Variants in PREP observed in about 807,000 individuals in gnomAD.
PREP encodes prolyl endopeptidase, also known as dJ355L5.1 (prolyl endopeptidase).
Under a neutral mutation model 87.6 loss-of-function variants are expected in PREP, and 29 were observed. That is an observed-to-expected ratio of 0.33 (90% confidence interval 0.25 to 0.45). The LOEUF (loss-of-function observed/expected upper bound fraction) is 0.45, where lower values mean the gene tolerates loss of function less well. Among genes scored for constraint, PREP ranks in the 20% least tolerant of loss-of-function variants. The pLI is 1.00. For missense variants in PREP, 695 were observed against 886.5 expected (o/e 0.78, Z 2.74); for synonymous variants, 337 against 328.6 (o/e 1.03, Z -0.28).
chr6:105,321,404 A>C (rs1190064), intron 10 of PREP, among the ~76,000 whole-genome samples: 1 of 152,188 alleles, frequency 6.6e-6, no homozygotes, highest in African/African-American at 2.4e-5. Context: ...ATTCTGGGAG[A>C]GTTCCAGTGC....
intron 7 of PREP, among the ~76,000 whole-genome samples, chr6:105,352,512 T>C (rs1028277940): frequency 6.6e-6 from 1 of 152,180 alleles, no homozygotes; most frequent in African/African-American, 2.4e-5. Context: ...GTTTGCAACA[T>C]TACGCCTTTT....
intron 10 of PREP, among the ~76,000 whole-genome samples, chr6:105,318,778 C>T (rs953902081): frequency 6.6e-6 from 1 of 152,180 alleles, no homozygotes; most frequent in East Asian, 1.9e-4. Flanking sequence ...TTCACTAAAA[C>T]GTTCTGAAAA....
chr6:105,319,089 G>T (rs1354018264), intron 10 of PREP, among the ~76,000 whole-genome samples: 1 of 152,228 alleles, frequency 6.6e-6, no homozygotes, highest in African/African-American at 2.4e-5. Flanking sequence ...TAAAGCCAAA[G>T]ATTCTTCTTA....
At chr6:105,285,326 G>C (rs1770169403) in intron 12 of PREP, among the ~76,000 whole-genome samples, 160 bp downstream of exon 12, 1 of 152,154 alleles carries the variant, frequency 6.6e-6, no homozygotes, top group Non-Finnish European at 1.5e-5. Context: ...GTTTTTAAGG[G>C]GGGAGTGGTG....
Position 105,402,828 on chromosome 6 carries a change from C to G in PREP, c.45+19G>C, listed in dbSNP as rs1384206027. 2 of 1,536,768 alleles carry G rather than the reference C, an allele frequency of 1.3e-6. No individual in the cohort carries two copies. Among genetic ancestry groups the G allele is most frequent in the East Asian group, 2.4e-5 (1 of 40,968 alleles). Reference sequence around the variant, plus strand: ...CACCTTTGCCCGGGAGCCCTCTGGGCGGAGGCAGAGATACTTACGGCGGTC... The same window carrying G: ...CACCTTTGCCCGGGAGCCCTCTGGGGGGAGGCAGAGATACTTACGGCGGTC... On this transcript the variant is annotated intron_variant, in intron 1 of 14. Coordinates refer to ENST00000652536, the MANE Select transcript of PREP (RefSeq NM_002726.5).
rs546938896 is a variant in PREP at position 105,295,173 on chromosome 6, T to A, written c.1318-6279A>T. Among the ~76,000 whole-genome samples the A allele has an allele frequency of 4.3e-3, 429 of 100,346 alleles. 6 individuals are homozygous for A. Among genetic ancestry groups the A allele is most frequent in the South Asian group, 0.028 (79 of 2,868 alleles). 65.8% of individuals were successfully genotyped at this position (100,346 alleles called of 152,430 possible). On this transcript the variant is annotated intron_variant, in intron 10 of 14. Coordinates refer to ENST00000652536, the MANE Select transcript of PREP (RefSeq NM_002726.5). The stretch of plus-strand genomic sequence containing the variant: ...AATGTTTTCCTTTTTTTTTTTTTTT[T>A]ATTTCTGACACCACCATTTGCATCC...
intron 8 of PREP, 92 bp downstream of exon 8, chr6:105,333,222 G>GTT: frequency 7.9e-7 from 1 of 1,264,466 alleles, no homozygotes; most frequent in Non-Finnish European, 1.1e-6. Context: ...TTTTTACCTT[G>GTT]TAACAGATCA....
intron 10 of PREP, among the ~76,000 whole-genome samples, chr6:105,289,362 A>G (rs75170040): frequency 0.014 from 2,089 of 152,338 alleles, 16 homozygotes; most frequent in African/African-American, 0.031. Context: ...CAAATTTCAT[A>G]TTCAACTTCC....
chr6:105,391,671 T>C (rs1459097057), intron 2 of PREP, among the ~76,000 whole-genome samples: 13 of 152,234 alleles, frequency 8.5e-5, no homozygotes, highest in South Asian at 2.1e-4. Context: ...GGCTTGTGGA[T>C]AGGCAGGGAA....
intron 11 of PREP, among the ~76,000 whole-genome samples, chr6:105,287,759 A>G (rs1770217040): frequency 6.6e-6 from 1 of 152,228 alleles, no homozygotes. Flanking sequence ...TCTATTTAGA[A>G]GTTGGCTCAA....
chr6:105,303,536 G>C (rs1464850170), intron 10 of PREP, among the ~76,000 whole-genome samples: 1 of 151,732 alleles, frequency 6.6e-6, no homozygotes, highest in Non-Finnish European at 1.5e-5. Context: ...AAAATCTATT[G>C]GCTCTTAGAA....
intron 6 of PREP, among the ~76,000 whole-genome samples, chr6:105,356,762 T>C (rs1250861199): frequency 1.3e-5 from 2 of 152,232 alleles, no homozygotes; most frequent in Non-Finnish European, 2.9e-5. Flanking sequence ...TTTGCATAGT[T>C]TCCTAGCTGT....
At chr6:105,375,839 G>T (rs1210366599) in intron 4 of PREP, among the ~76,000 whole-genome samples, 4 of 152,166 alleles carry the variant, frequency 2.6e-5, no homozygotes, top group African/African-American at 4.8e-5. Context: ...TGGAGGAAAT[G>T]ATGATGATAT....
intron 10 of PREP, among the ~76,000 whole-genome samples, chr6:105,314,151 C>T (rs1770813960): frequency 6.6e-6 from 1 of 152,332 alleles, no homozygotes; most frequent in Middle Eastern, 3.4e-3. Flanking sequence ...TTTAAAAACA[C>T]TTTATTGCTA....
rs4946662 is a variant in PREP, at chr6:105,319,117, G to A, written c.1317+4548C>T. On this transcript the variant is annotated intron_variant, in intron 10 of 14. Coordinates refer to ENST00000652536, the MANE Select transcript of PREP (RefSeq NM_002726.5). ...TCTTCTTACTTTAGCATTTTGGCTCGGCTGCAAAGCAAACCGCCTTAGGGA... is the reference window on the plus strand; with the variant it reads ...TCTTCTTACTTTAGCATTTTGGCTCAGCTGCAAAGCAAACCGCCTTAGGGA... Among the ~76,000 whole-genome samples, 811 of 152,272 alleles carry A rather than the reference G, an allele frequency of 5.3e-3. 23 individuals are homozygous for A. The highest frequency in any genetic ancestry group is 0.04 in the Admixed American group (605 of 15,290).
chr6:105,324,646 T>C (rs1433225182), intron 9 of PREP, among the ~76,000 whole-genome samples: 3 of 152,168 alleles, frequency 2.0e-5, no homozygotes, highest in Non-Finnish European at 2.9e-5. Context: ...GATTTAGTGA[T>C]CCCATCAGTA....
chr6:105,346,830 G>A (rs1020073585), intron 7 of PREP, among the ~76,000 whole-genome samples: 2 of 152,270 alleles, frequency 1.3e-5, no homozygotes, highest in African/African-American at 2.4e-5. Flanking sequence ...GTCGGGTGCA[G>A]TGGCCCATGC....
intron 2 of PREP, among the ~76,000 whole-genome samples, chr6:105,382,358 C>A (rs1479562829): frequency 6.6e-6 from 1 of 151,024 alleles, no homozygotes; most frequent in African/African-American, 2.4e-5. Flanking sequence ...CTTGATTTAG[C>A]CATTTCACAA....
rs527754911 is a variant in PREP at position 105,345,940 on chromosome 6, G to A, written c.823+7032C>T. ...AACTATTATTCCAAATAACCCCAGT[G>A]TTCAAGTGACAAAAGTAAACCGAAC... On this transcript the variant is annotated intron_variant, in intron 7 of 14. Transcript: ENST00000652536. Among the ~76,000 whole-genome samples the A allele has an allele frequency of 4.2e-4, 64 of 152,304 alleles. 1 individual carries two copies. The South Asian group carries it at 0.013, about 31-fold the overall frequency.
Sources: gnomAD v4.1 joint callset for allele counts (sites outside exome capture counted in the v4.1 genomes callset) on GRCh38, gnomAD v4.1.1 for gene constraint, MANE v1.5 for transcripts, NCBI Gene and HGNC (gene_info 2026-07-23, HGNC 2026-07-21) for gene names.